Variants in AP3B1 observed in about 807,000 individuals in gnomAD.
AP3B1 encodes the protein AP-3 complex subunit beta-1.
AP3B1 carries 61 observed loss-of-function variants against 132.5 expected under a neutral mutation model. That is an observed-to-expected ratio of 0.46 (90% CI 0.37 to 0.57). The LOEUF is 0.57. AP3B1 is among the 20% of genes least tolerant of loss of function. AP3B1 has a pLI of 0.00. For missense variants in AP3B1, 1,120 were observed against 1,289.4 expected (o/e 0.87, Z 2.01); for synonymous variants, 388 against 438.3 (o/e 0.89, Z 1.43).
intron 7 of AP3B1, among the ~76,000 whole-genome samples, chr5:78,184,686 C>CAAAAAAAAAAAAAA (rs772722596): frequency 2.7e-5 from 3 of 110,564 alleles, no homozygotes; most frequent in African/African-American, 1.1e-4. Context: ...GACACTGTCT[C>CAAAAAAAAAAAAAA]AAAAAAAAAA....
intron 2 of AP3B1, among the ~76,000 whole-genome samples, chr5:78,250,042 G>A (rs1035542242): frequency 3.3e-5 from 5 of 152,090 alleles, no homozygotes; most frequent in Non-Finnish European, 5.9e-5. Context: ...GTTCACATAA[G>A]ATAACATTTT....
chr5:78,094,669 ACT>A, intron 21 of AP3B1, among the ~76,000 whole-genome samples: 1 of 151,310 alleles, frequency 6.6e-6, no homozygotes, highest in Admixed American at 6.6e-5. Flanking sequence ...AGCTTGACTG[ACT>A]CTTTTTTTCT....
intron 22 of AP3B1, among the ~76,000 whole-genome samples, chr5:78,070,812 G>A (rs1175422131): frequency 6.6e-6 from 1 of 151,776 alleles, no homozygotes; most frequent in Non-Finnish European, 1.5e-5. Context: ...ATGAAAGAAA[G>A]CTCCATATCA....
At chr5:78,193,750 A>ATATATC (rs1744950987) in intron 7 of AP3B1, among the ~76,000 whole-genome samples, 5 of 115,892 alleles carry the variant, frequency 4.3e-5, no homozygotes, top group Admixed American at 2.0e-4. Flanking sequence ...TTTTTTATAT[A>ATATATC]TATATATATA....
Position 78,197,235 on chromosome 5 carries a change from T to C in AP3B1, c.787-15573A>G, listed in dbSNP as rs576923957. Among the ~76,000 whole-genome samples, 8 of 152,190 alleles carry C rather than the reference T, an allele frequency of 5.3e-5. No individual in the cohort carries two copies. The South Asian group carries it at 1.7e-3, about 32-fold the overall frequency. ...TTAATATATCTGAACCTATCTTATA[T>C]AAAAATAGGTCTCTCTCTGCTATGT... On this transcript the variant is annotated intron_variant, in intron 7 of 26. Transcript: ENST00000255194.
chr5:78,020,286 T>C (rs1747036005), intron 25 of AP3B1, among the ~76,000 whole-genome samples: 1 of 152,078 alleles, frequency 6.6e-6, no homozygotes, highest in Admixed American at 6.5e-5. Context: ...CAGGGACAAA[T>C]ACATTAGTAA....
chr5:78,027,248 T>A (rs920201767), intron 24 of AP3B1, among the ~76,000 whole-genome samples: 9 of 152,040 alleles, frequency 5.9e-5, no homozygotes, highest in African/African-American at 1.9e-4. Context: ...TAAATCCACA[T>A]GGAACTTGTT....
chr5:78,174,518 G>A (rs1457066132), intron 11 of AP3B1, among the ~76,000 whole-genome samples: 3 of 152,146 alleles, frequency 2.0e-5, no homozygotes, highest in African/African-American at 7.2e-5. Flanking sequence ...ACCAGCGGAG[G>A]CTGCAGCACA....
chr5:78,158,029 G>C (rs1490214835), intron 13 of AP3B1, among the ~76,000 whole-genome samples: 1 of 152,184 alleles, frequency 6.6e-6, no homozygotes, highest in Non-Finnish European at 1.5e-5. Context: ...GATTACCGGT[G>C]TGAGCCACCA....
At position 78,228,235 on chromosome 5, in the gene AP3B1, T is replaced by C. The variant is rs1243407963; in HGVS notation, c.284A>G (p.Lys95Arg). Residue 95 changes from lysine (K) to arginine (R), a missense_variant, in exon 4 of 27, where the codon AAG becomes AGG. Lys to Arg is a conservative substitution (Grantham distance 26). Coordinates refer to ENST00000255194, the MANE Select transcript of AP3B1 (RefSeq NM_003664.5). ...KNVASKNIEI[K>R]KLVYVYLVRY... ...AACCAGGTAAACATATACCAACTTC[T>C]TGATCTGTTAAAAAAAAATCATTTA... 1 of 1,596,250 alleles carries C rather than the reference T, an allele frequency of 6.3e-7. No homozygotes were observed. Among genetic ancestry groups the C allele is most frequent in the African/African-American group, 1.4e-5 (1 of 71,060 alleles).
intron 9 of AP3B1, among the ~76,000 whole-genome samples, chr5:78,176,168 C>T (rs998768000): frequency 6.6e-6 from 1 of 152,100 alleles, no homozygotes; most frequent in African/African-American, 2.4e-5. Flanking sequence ...GATAGGACCA[C>T]ACTGTTATTA....
chr5:78,166,139 A>T (rs1016442219), intron 11 of AP3B1, among the ~76,000 whole-genome samples: 33 of 143,968 alleles, frequency 2.3e-4, no homozygotes, highest in African/African-American at 8.1e-4. Context: ...ACACACACAC[A>T]CACACACACA....
At chr5:78,037,761 C>T (rs533637011) in intron 23 of AP3B1, among the ~76,000 whole-genome samples, 2 of 152,272 alleles carry the variant, frequency 1.3e-5, no homozygotes, top group African/African-American at 4.8e-5. Flanking sequence ...TAAAAAGGAG[C>T]TCTCTGGAGC....
Position 78,155,664 on chromosome 5 carries a change from A to G in AP3B1, c.1473+594T>C, listed in dbSNP as rs555094295. The stretch of plus-strand genomic sequence containing the variant: ...GCTACATATTGTCCAGAAAAGGCAA[A>G]TCCATAAAGATAAAAAAAAGTAGAT... On this transcript the variant is annotated intron_variant, in intron 14 of 26. Coordinates refer to ENST00000255194, the MANE Select transcript of AP3B1 (RefSeq NM_003664.5). 2.2e-3 allele frequency among the ~76,000 whole-genome samples: 335 copies of G among 152,268 alleles called. 1 individual carries two copies. The highest frequency in any genetic ancestry group is 7.8e-3 in the African/African-American group (323 of 41,556).
At chr5:78,060,399 T>C (rs1032084376) in intron 22 of AP3B1, among the ~76,000 whole-genome samples, 3 of 152,220 alleles carry the variant, frequency 2.0e-5, no homozygotes, top group East Asian at 3.8e-4. Flanking sequence ...ATCGGTCTGA[T>C]AGAAACACAC....
intron 12 of AP3B1, 100 bp from the exon 13 acceptor site, chr5:78,163,051 A>G: frequency 8.8e-7 from 1 of 1,137,934 alleles, no homozygotes; most frequent in Non-Finnish European, 1.3e-6. Flanking sequence ...ATTCCAGAAT[A>G]CATAAACTTC....
At chr5:78,018,825 T>C (rs1746969197) in intron 25 of AP3B1, among the ~76,000 whole-genome samples, 2 of 152,078 alleles carry the variant, frequency 1.3e-5, no homozygotes, top group South Asian at 4.1e-4. Flanking sequence ...TTTGTGGAAA[T>C]AAGCTAAGCT....
At chr5:78,076,395 G>C (rs1008386312) in intron 22 of AP3B1, among the ~76,000 whole-genome samples, 1 of 152,170 alleles carries the variant, frequency 6.6e-6, no homozygotes, top group Non-Finnish European at 1.5e-5. Context: ...CTAACCTAAA[G>C]AGGCTTAGGA....
intron 14 of AP3B1, 48 bp downstream of exon 14, chr5:78,156,210 A>C: frequency 7.3e-7 from 1 of 1,363,026 alleles, no homozygotes; most frequent in Non-Finnish European, 1.1e-6. Context: ...TAACAAAATT[A>C]CAACTTACTG....
Sources: allele counts gnomAD v4.1 joint callset (sites outside exome capture counted in the v4.1 genomes callset), GRCh38; gene constraint gnomAD v4.1.1; transcripts MANE v1.5; gene names NCBI Gene and HGNC (gene_info 2026-07-23, HGNC 2026-07-21).